The following FAM234B variants were observed in gnomAD, a reference collection of about 807,000 sequenced individuals.
FAM234B encodes protein FAM234B.
In FAM234B, 33 loss-of-function variants were observed where a neutral mutation model predicts 69.3. That is an observed-to-expected ratio of 0.48 (90% confidence interval 0.36 to 0.64). FAM234B has a LOEUF of 0.64. Ranked by LOEUF, FAM234B falls within the 30% of genes least tolerant of loss-of-function variation. The pLI is 0.00. For synonymous variants in FAM234B, 306 were observed against 306.9 expected (o/e 1.00, Z 0.03); for missense variants, 697 against 769.7 (o/e 0.91, Z 1.12).
intron 11 of FAM234B, among the ~76,000 whole-genome samples, chr12:13,079,058 C>G (rs1865194601): frequency 6.6e-6 from 1 of 151,922 alleles, no homozygotes; most frequent in Non-Finnish European, 1.5e-5. Flanking sequence ...TCATATGGAA[C>G]CAAAAAAGAG....
intron 4 of FAM234B, 46 bp downstream of exon 4, chr12:13,061,809 C>T: frequency 1.9e-6 from 3 of 1,562,220 alleles, no homozygotes; most frequent in Non-Finnish European, 2.6e-6. Flanking sequence ...ACGAGCCATA[C>T]TTTTGGATTA....
chr12:13,079,751 T>C, intron 11 of FAM234B, 38 bp from the exon 12 acceptor site: 1 of 1,290,326 alleles, frequency 7.7e-7, no homozygotes, highest in Non-Finnish European at 1.1e-6. Context: ...GGACGGTATG[T>C]GTCCATGTTA....
intron 11 of FAM234B, among the ~76,000 whole-genome samples, chr12:13,078,769 T>C (rs1440529223): frequency 1.3e-5 from 2 of 152,184 alleles, no homozygotes; most frequent in Non-Finnish European, 2.9e-5. Context: ...AGCCATATCA[T>C]GAGTGAACTC....
At chr12:13,070,991 G>A (rs909757110) in intron 9 of FAM234B, among the ~76,000 whole-genome samples, 12 of 152,184 alleles carry the variant, frequency 7.9e-5, no homozygotes, top group Non-Finnish European at 7.3e-5. Flanking sequence ...TGATTTGAAT[G>A]TCCCATTCCC....
At chr12:13,063,008 A>G (rs762936620) in intron 5 of FAM234B, 33 bp downstream of exon 5, 9 of 1,609,458 alleles carry the variant, frequency 5.6e-6, no homozygotes, top group Non-Finnish European at 3.4e-6. Flanking sequence ...TTTGTTTCTT[A>G]TAGGGACTGC....
Position 13,055,870 on chromosome 12 carries a change from C to T in FAM234B, c.357C>T (p.Leu119=), listed in dbSNP as rs769378662. ...LTLGISMILV[L]LCAFLIPCPP... ...TGGGGATCTCGATGATCCTGGTGCT[C>T]CTGTGTGCTTTCCTGATCCCCTGTC... The change falls in exon 2 of 13, where the codon CTC becomes CTT. Residue 119 remains leucine, a synonymous_variant. Coordinates refer to ENST00000197268, the MANE Select transcript of FAM234B (RefSeq NM_020853.2). 1.2e-6 allele frequency: 2 copies of T among 1,613,730 alleles called. No individual in the cohort carries two copies. The highest frequency in any genetic ancestry group is 1.1e-5 in the South Asian group (1 of 91,010).
chr12:13,076,413 A>G (rs1865161619), intron 11 of FAM234B, among the ~76,000 whole-genome samples: 1 of 152,230 alleles, frequency 6.6e-6, no homozygotes, highest in South Asian at 2.1e-4. Flanking sequence ...TGATTCATCC[A>G]GCCACTCCTT....
Position 13,067,650 on chromosome 12 carries a change from A to C in FAM234B, c.1142+354A>C, listed in dbSNP as rs1012862912. Among the ~76,000 whole-genome samples the C allele has an allele frequency of 6.6e-6, 1 of 152,198 alleles. No individual in the cohort carries two copies. Among genetic ancestry groups the C allele is most frequent in the Non-Finnish European group, 1.5e-5 (1 of 68,024 alleles). On this transcript the variant is annotated intron_variant, in intron 7 of 12. Transcript: ENST00000197268. This position sits in a 1 kb window ranked among gnomAD's most constrained non-coding sequence, Gnocchi z 4.7. Reference sequence around the variant, plus strand: ...CTACTCTTTTCTGTATTTTTCTCTTAGTTGAAGCATCATTTTGACAGAAGC... The same window carrying C: ...CTACTCTTTTCTGTATTTTTCTCTTCGTTGAAGCATCATTTTGACAGAAGC...
At chr12:13,076,222 G>A in intron 11 of FAM234B, 79 bp downstream of exon 11, 1 of 1,060,546 alleles carries the variant, frequency 9.4e-7, no homozygotes, top group Non-Finnish European at 1.5e-6. Flanking sequence ...TGAGACCATT[G>A]CCCCACCCAG....
chr12:13,070,172 G>T (rs1056889571), intron 9 of FAM234B, among the ~76,000 whole-genome samples: 1 of 139,774 alleles, frequency 7.2e-6, no homozygotes, highest in African/African-American at 2.6e-5. Flanking sequence ...ATTAAAAAAA[G>T]ATATATATAT....
At position 13,061,575 on chromosome 12, in the gene FAM234B, G is replaced by A. The variant is rs1864982520; in HGVS notation, c.533G>A (p.Gly178Asp). ...TTTTATCTCTCTTGTGTGCTTTTAG[G>A]TGTCTCAAGACCAGCTGCTAATCTT... ...FVMSRNGSAV[G>D]VSRPAANLVC... Residue 178 changes from glycine to aspartate, a missense_variant and splice_region_variant, in exon 4 of 13, where the codon GGT (glycine) becomes GAT (aspartate). Gly to Asp is a moderately conservative substitution (Grantham distance 94). Around this residue, in one of 3 missense-constraint regions of FAM234B, gnomAD observed 380 missense variants for 447.1 expected, o/e 0.85. Coordinates refer to ENST00000197268, the MANE Select transcript of FAM234B (RefSeq NM_020853.2). The A allele has an allele frequency of 6.2e-7, 1 of 1,608,032 alleles. No homozygotes were observed. The highest frequency in any genetic ancestry group is 1.3e-5 in the African/African-American group (1 of 74,532).
Position 13,071,301 on chromosome 12 carries a change from A to G in FAM234B, c.1429A>G (p.Met477Val), listed in dbSNP as rs776200439. 1.9e-6 allele frequency: 3 copies of G among 1,614,036 alleles called. No individual in the cohort carries two copies. The highest frequency in any genetic ancestry group is 2.5e-6 in the Non-Finnish European group (3 of 1,180,018). Residue 477 changes from methionine to valine, a missense_variant, in exon 10 of 13, where the codon ATG (methionine) becomes GTG (valine). Met to Val is a conservative substitution (Grantham distance 21). This residue lies in a region of FAM234B where 313 missense variants were observed against 305.5 expected (regional missense o/e 1.02). Coordinates refer to ENST00000197268, the MANE Select transcript of FAM234B (RefSeq NM_020853.2). ...TTGGAGTTACCGTGCTCCGTGTCAC[A>G]TGAAAGAAACGCCAGCCACCTCAGC... ...IVWSYRAPCH[M>V]KETPATSAVT...
chr12:13,056,567 A>G (rs1864932210), intron 2 of FAM234B, among the ~76,000 whole-genome samples: 1 of 152,150 alleles, frequency 6.6e-6, no homozygotes, highest in African/African-American at 2.4e-5. Context: ...GGATTAAGCT[A>G]TCCTCAGACC....
chr12:13,068,668 T>C lies in FAM234B; in HGVS notation c.1325T>C (p.Leu442Ser), dbSNP rs771748595. The part of the protein sequence containing the change: ...TPGYFTDDQT[L>S]DFLLQIQDGV... Reference sequence around the variant, plus strand: ...GGATATTTCACTGATGATCAGACATTAGATTTCCTTCTGCAGATACAGGAT... The same window carrying C: ...GGATATTTCACTGATGATCAGACATCAGATTTCCTTCTGCAGATACAGGAT... Residue 442 changes from leucine to serine, a missense_variant, in exon 9 of 13, where the codon TTA becomes TCA. Leu to Ser is a moderately radical substitution (Grantham distance 145). This residue lies in a region of FAM234B where 313 missense variants were observed against 305.5 expected (regional missense o/e 1.02). Coordinates refer to ENST00000197268, the MANE Select transcript of FAM234B (RefSeq NM_020853.2). 1.5e-5 allele frequency: 25 copies of C among 1,613,164 alleles called. 2 individuals carry two copies. The South Asian group carries it at 2.6e-4, about 17-fold the overall frequency.
At position 13,067,076 on chromosome 12, in the gene FAM234B, G is replaced by A; in HGVS notation, c.1001-79G>A. 2 of 1,549,588 alleles carry A rather than the reference G, an allele frequency of 1.3e-6. No individual in the cohort carries two copies. The highest frequency in any genetic ancestry group is 3.4e-5 in the Admixed American group (2 of 59,212). On this transcript the variant is annotated intron_variant, in intron 6 of 12. Transcript: ENST00000197268. This position sits in a 1 kb window ranked among gnomAD's most constrained non-coding sequence, Gnocchi z 4.7. Reference sequence around the variant, plus strand: ...TGTTAGACCCATCTGGTCAGGCTCTGTGTCTCTTGCTCAGATCCTCACCAT... The same window carrying A: ...TGTTAGACCCATCTGGTCAGGCTCTATGTCTCTTGCTCAGATCCTCACCAT...
chr12:13,066,898 G>T, intron 6 of FAM234B, 111 bp downstream of exon 6: 3 of 1,234,002 alleles, frequency 2.4e-6, no homozygotes, highest in Non-Finnish European at 3.4e-6. Context: ...CCTTCCCATA[G>T]CCTTCTAATG....
chr12:13,073,215 G>A (rs569400017), intron 10 of FAM234B, among the ~76,000 whole-genome samples: 45 of 149,856 alleles, frequency 3.0e-4, no homozygotes, highest in African/African-American at 1.1e-3. Context: ...GGCAGGCCTC[G>A]AACTCCTGGG....
chr12:13,080,677 C>G lies in FAM234B; in HGVS notation c.*47C>G. The G allele has an allele frequency of 6.8e-7, 1 of 1,476,374 alleles. No homozygotes were observed. 91.5% of individuals were successfully genotyped at this position (1,476,374 alleles called of 1,614,324 possible). A position where few individuals can be genotyped will look rare whatever the true frequency, so the allele number is the denominator to read the frequency against. On this transcript the variant is annotated 3_prime_UTR_variant, in exon 13 of 13. Coordinates refer to ENST00000197268, the MANE Select transcript of FAM234B (RefSeq NM_020853.2). ...AGAAGAAGTGAACAGAGTGGATACC[C>G]TCTCTACTCTCCTGTCACTGTAAAA...
intron 3 of FAM234B, among the ~76,000 whole-genome samples, chr12:13,059,311 G>A (rs1864961985): frequency 6.6e-6 from 1 of 152,172 alleles, no homozygotes; most frequent in African/African-American, 2.4e-5. Flanking sequence ...TTGTGTCTTT[G>A]TTGGGGAGCC....
Sources: gnomAD v4.1 joint callset for allele counts (sites outside exome capture counted in the v4.1 genomes callset) on GRCh38, gnomAD v4.1.1 for gene constraint, gnomAD v4.1.1 regional missense constraint, Gnocchi (gnomAD v3.1) non-coding constraint, MANE v1.5 for transcripts, NCBI Gene and HGNC (gene_info 2026-07-23, HGNC 2026-07-21) for gene names.